The following THAP4 variants were observed in gnomAD, a reference collection of about 807,000 sequenced individuals.
THAP4 encodes peroxynitrite isomerase THAP4.
Under a neutral mutation model 48.1 loss-of-function variants are expected in THAP4, and 18 were observed. That is an observed-to-expected ratio of 0.37 (90% confidence interval 0.26 to 0.56). The LOEUF is 0.56. Among genes scored for constraint, THAP4 ranks in the 20% least tolerant of loss-of-function variants. THAP4 has a pLI of 0.78. For missense variants in THAP4, 656 were observed against 774.9 expected (o/e 0.85, Z 1.82); for synonymous variants, 345 against 324.9 (o/e 1.06, Z -0.66).
rs2067534887 is a variant in THAP4 at position 241,629,745 on chromosome 2, C to T, written c.1240+3172G>A. Among the ~76,000 whole-genome samples, 2 of 151,502 alleles carry T rather than the reference C, an allele frequency of 1.3e-5. 1 individual carries two copies. The highest frequency in any genetic ancestry group is 4.2e-4 in the South Asian group (2 of 4,808). On this transcript the variant is annotated intron_variant, in intron 2 of 5. Transcript: ENST00000407315. Reference sequence around the variant, plus strand: ...GTTTCTTGTGTTGGTAACAGGAAAACTTATGCATCAAACAGCATGGTCTTG... The same window carrying T: ...GTTTCTTGTGTTGGTAACAGGAAAATTTATGCATCAAACAGCATGGTCTTG...
At chr2:241,593,094 A>T (rs2067005852) in intron 5 of THAP4, among the ~76,000 whole-genome samples, 1 of 151,864 alleles carries the variant, frequency 6.6e-6, no homozygotes, top group African/African-American at 2.4e-5. Context: ...AAATACAAAA[A>T]ATTAGCGGGG....
intron 5 of THAP4, chr2:241,594,640 C>T (rs2067026490): frequency 7.1e-6 from 2 of 282,054 alleles, no homozygotes; most frequent in East Asian, 1.1e-4. Flanking sequence ...TACCTGTGGC[C>T]CCAGCTACTT....
intron 5 of THAP4, among the ~76,000 whole-genome samples, chr2:241,593,811 C>G (rs900344858): frequency 2.6e-5 from 4 of 152,168 alleles, no homozygotes; most frequent in Non-Finnish European, 5.9e-5. Context: ...CTCACCCTCT[C>G]AAGTAGCTGG....
At chr2:241,589,760 C>T (rs531784045) in intron 5 of THAP4, among the ~76,000 whole-genome samples, 4 of 152,188 alleles carry the variant, frequency 2.6e-5, no homozygotes, top group South Asian at 2.1e-4. Context: ...CCTAATAGCC[C>T]GGAACTGGAA....
At chr2:241,597,096 A>G (rs2067059366) in intron 5 of THAP4, among the ~76,000 whole-genome samples, 1 of 152,188 alleles carries the variant, frequency 6.6e-6, no homozygotes, top group African/African-American at 2.4e-5. Context: ...TGGCCTGACC[A>G]TCATAAGTGG....
rs997241908 is a variant in THAP4 at position 241,616,745 on chromosome 2, G to T, written c.1241-10272C>A. On this transcript the variant is annotated intron_variant, in intron 2 of 5. Transcript: ENST00000407315. The surrounding 1 kb of genome is among the most constrained non-coding windows in gnomAD (Gnocchi z 4.6). ...CATCAGACTGGAAAGGAAGGAGCAC[G>T]CGGCTAAGCAACTAGATGGAGGCTT... Among the ~76,000 whole-genome samples, 1 of 152,148 alleles carries T rather than the reference G, an allele frequency of 6.6e-6. No individual in the cohort carries two copies. Among genetic ancestry groups the T allele is most frequent in the Admixed American group, 6.5e-5 (1 of 15,272 alleles).
intron 1 of THAP4, among the ~76,000 whole-genome samples, chr2:241,635,884 C>A (rs775818011): frequency 1.2e-4 from 18 of 152,140 alleles, no homozygotes; most frequent in Non-Finnish European, 2.5e-4. Flanking sequence ...CAGGACAAAT[C>A]CTAACAGGAT....
chr2:241,625,078 GC>G (rs985671059), intron 2 of THAP4, among the ~76,000 whole-genome samples: 3 of 152,178 alleles, frequency 2.0e-5, no homozygotes, highest in African/African-American at 7.2e-5. Context: ...ATTTTACCAA[GC>G]ATTCAAGGAA....
intron 5 of THAP4, among the ~76,000 whole-genome samples, chr2:241,593,509 G>A (rs942711523): frequency 6.6e-6 from 1 of 152,182 alleles, no homozygotes; most frequent in Admixed American, 6.5e-5. Context: ...ACGGGGACCC[G>A]ACACAGCCGA....
At chr2:241,606,519 G>T in intron 2 of THAP4, 46 bp from the exon 3 acceptor site, 7 of 1,523,110 alleles carry the variant, frequency 4.6e-6, no homozygotes, top group East Asian at 2.4e-5. Context: ...CTCCAACCAT[G>T]CCTTGCTGAG....
intron 3 of THAP4, among the ~76,000 whole-genome samples, chr2:241,605,202 A>T (rs1174204171): frequency 6.6e-6 from 1 of 152,140 alleles, no homozygotes; most frequent in Non-Finnish European, 1.5e-5. Context: ...TAATATAAAA[A>T]GGTAGGAGAT....
intron 2 of THAP4, among the ~76,000 whole-genome samples, chr2:241,607,606 C>A (rs1206839096): frequency 2.0e-5 from 3 of 151,196 alleles, no homozygotes; most frequent in African/African-American, 7.3e-5. Context: ...GCCGCACAAG[C>A]CTCATCTACG....
chr2:241,620,140 G>GATGA (rs2067406040), intron 2 of THAP4, among the ~76,000 whole-genome samples: 1 of 100,984 alleles, frequency 9.9e-6, no homozygotes, highest in Non-Finnish European at 2.0e-5. Flanking sequence ...GTGAGTGAGG[G>GATGA]GTGAGGGGTG....
chr2:241,605,684 A>G (rs2067173502), intron 3 of THAP4, among the ~76,000 whole-genome samples: 1 of 151,834 alleles, frequency 6.6e-6, no homozygotes, highest in East Asian at 1.9e-4. Flanking sequence ...ACAAACATGC[A>G]CTATTATTTT....
chr2:241,623,127 GAAT>G (rs2067454388), intron 2 of THAP4, among the ~76,000 whole-genome samples: 4 of 152,044 alleles, frequency 2.6e-5, no homozygotes, highest in Non-Finnish European at 5.9e-5. Flanking sequence ...AAGGCCTCCT[GAAT>G]CACTTGAACC....
chr2:241,621,866 C>G (rs189911709), intron 2 of THAP4, among the ~76,000 whole-genome samples: 1 of 149,296 alleles, frequency 6.7e-6, no homozygotes, highest in Non-Finnish European at 1.5e-5. Flanking sequence ...CTAAGAGAAT[C>G]AAAAGGAAAA....
intron 5 of THAP4, among the ~76,000 whole-genome samples, chr2:241,597,755 T>C (rs1248823623): frequency 6.6e-6 from 1 of 152,092 alleles, no homozygotes; most frequent in Non-Finnish European, 1.5e-5. Flanking sequence ...GCCCAGCCCC[T>C]CAGGTTGTGC....
At chr2:241,594,265 G>A (rs1463624067) in intron 5 of THAP4, among the ~76,000 whole-genome samples, 1 of 152,152 alleles carries the variant, frequency 6.6e-6, no homozygotes, top group Admixed American at 6.6e-5. Flanking sequence ...ACAGCTAAAG[G>A]GTACCAGGTG....
chr2:241,625,291 A>G (rs551525269), intron 2 of THAP4, among the ~76,000 whole-genome samples: 48 of 152,132 alleles, frequency 3.2e-4, no homozygotes, highest in African/African-American at 1.1e-3. Flanking sequence ...CCTGGGCAAC[A>G]GGCTGGGACC....
Sources: gnomAD v4.1 joint callset for allele counts (sites outside exome capture counted in the v4.1 genomes callset) on GRCh38, gnomAD v4.1.1 for gene constraint, Gnocchi (gnomAD v3.1) non-coding constraint, MANE v1.5 for transcripts, NCBI Gene and HGNC (gene_info 2026-07-23, HGNC 2026-07-21) for gene names.